The following KNDC1 variants were observed in gnomAD, a reference collection of about 807,000 sequenced individuals.
The protein encoded by KNDC1 is kinase non-catalytic C-lobe domain containing 1.
Under a neutral mutation model 172.8 loss-of-function variants are expected in KNDC1, and 106 were observed. The observed-to-expected ratio is 0.61, with a 90% CI of 0.52 to 0.72. The LOEUF is 0.72. KNDC1 is among the 30% of genes least tolerant of loss of function. The pLI is 0.00. For synonymous variants in KNDC1, 1,083 were observed against 1,062.2 expected, an observed-to-expected ratio of 1.02 and a Z score of -0.38; for missense variants, 2,325 against 2,394.5, an observed-to-expected ratio of 0.97 and a Z score of 0.61.
intron 20 of KNDC1, among the ~76,000 whole-genome samples, chr10:133,208,223 AACCCC>A (rs1845256299): frequency 1.4e-5 from 2 of 142,080 alleles, no homozygotes; most frequent in African/African-American, 2.6e-5. Flanking sequence ...GGCCACCCCC[AACCCC>A]GTTACCCCAA....
chr10:133,225,024 G>T lies in KNDC1; in HGVS notation c.*134G>T. ...CCCGAACCCTGGGGAGCTGGACCAGGAGGTGGAGGCTCAGGGGACCCCATG... is the reference window on the plus strand; with the variant it reads ...CCCGAACCCTGGGGAGCTGGACCAGTAGGTGGAGGCTCAGGGGACCCCATG... On this transcript the variant is annotated 3_prime_UTR_variant, in exon 30 of 30. Transcript: ENST00000304613. 1 of 716,490 alleles carries T rather than the reference G, an allele frequency of 1.4e-6. No homozygotes were observed. The highest frequency in any genetic ancestry group is 1.8e-5 in the South Asian group (1 of 55,990). The allele number at this position is 716,490 out of a possible 1,614,324, so 44.4% of individuals were successfully genotyped here.
intron 3 of KNDC1, among the ~76,000 whole-genome samples, chr10:133,183,040 C>T (rs57015863): frequency 7.9e-5 from 12 of 150,960 alleles, no homozygotes; most frequent in East Asian, 2.0e-4. Flanking sequence ...GCAGCATGGG[C>T]GGCGTGGGTA....
At chr10:133,177,910 GT>G (rs1853595812) in intron 3 of KNDC1, among the ~76,000 whole-genome samples, 1 of 138,782 alleles carries the variant, frequency 7.2e-6, no homozygotes, top group Non-Finnish European at 1.6e-5. Flanking sequence ...TGTGCAGTGT[GT>G]GTGTGCAAGC....
intron 9 of KNDC1, among the ~76,000 whole-genome samples, chr10:133,194,280 A>G (rs2135989057): frequency 6.6e-6 from 1 of 152,376 alleles, no homozygotes; most frequent in Admixed American, 6.5e-5. Context: ...CTTGGAAACG[A>G]AACAACACAT....
At chr10:133,175,567 GTGAGTAAA>G (rs2135959359) in intron 3 of KNDC1, among the ~76,000 whole-genome samples, 1 of 147,608 alleles carries the variant, frequency 6.8e-6, no homozygotes, top group Non-Finnish European at 1.5e-5. Flanking sequence ...AGATGCATGG[GTGAGTAAA>G]TGGATGGGTA....
intron 3 of KNDC1, among the ~76,000 whole-genome samples, chr10:133,181,834 C>CCACACACACA (rs369062586): frequency 1.0e-4 from 14 of 138,888 alleles, no homozygotes; most frequent in African/African-American, 3.3e-4. Flanking sequence ...CCAGGACCGT[C>CCACACACACA]CACACACACA....
At chr10:133,170,875 C>T (rs1292336718) in intron 3 of KNDC1, among the ~76,000 whole-genome samples, 1 of 152,224 alleles carries the variant, frequency 6.6e-6, no homozygotes, top group East Asian at 1.9e-4. Flanking sequence ...ACCCTAACTC[C>T]ACTGTCCGCT....
chr10:133,179,817 G>T (rs1434819923), intron 3 of KNDC1, among the ~76,000 whole-genome samples: 2 of 152,170 alleles, frequency 1.3e-5, no homozygotes, highest in East Asian at 3.9e-4. Context: ...CCGGCTCCCC[G>T]TCGCCCTGTG....
intron 24 of KNDC1, 72 bp downstream of exon 24, chr10:133,212,994 G>T (rs1589772523): frequency 1.2e-5 from 16 of 1,305,396 alleles, no homozygotes; most frequent in Middle Eastern, 2.2e-4. Context: ...CGCCCATAGG[G>T]CCCTCAGCGG....
chr10:133,184,057 G>A (rs140643738), intron 5 of KNDC1, 68 bp downstream of exon 5: 2 of 890,720 alleles, frequency 2.2e-6, no homozygotes, highest in South Asian at 1.8e-5. Context: ...ATGCACACGT[G>A]CACATGCTGC....
chr10:133,182,038 G>A (rs1853733485), intron 3 of KNDC1, among the ~76,000 whole-genome samples: 1 of 152,212 alleles, frequency 6.6e-6, no homozygotes, highest in African/African-American at 2.4e-5. Flanking sequence ...AGTGGTTGGA[G>A]CCAGGCTCAG....
chr10:133,190,698 CT>C (rs1854053138), intron 9 of KNDC1, among the ~76,000 whole-genome samples: 2 of 152,330 alleles, frequency 1.3e-5, no homozygotes, highest in South Asian at 4.1e-4. Context: ...GAAGGCTTTC[CT>C]GCAGTCTAGC....
intron 9 of KNDC1, among the ~76,000 whole-genome samples, chr10:133,195,458 G>A (rs951299862): frequency 5.9e-5 from 9 of 152,178 alleles, no homozygotes; most frequent in South Asian, 2.1e-4. Context: ...GGGAGAGTTC[G>A]ACCTGCAGGT....
intron 3 of KNDC1, among the ~76,000 whole-genome samples, chr10:133,176,802 A>C (rs1159627251): frequency 6.6e-6 from 1 of 152,206 alleles, no homozygotes; most frequent in Admixed American, 6.5e-5. Context: ...GCACCCCTGC[A>C]TCTAGGCTGA....
At chr10:133,171,803 G>T (rs1853385879) in intron 3 of KNDC1, among the ~76,000 whole-genome samples, 1 of 146,824 alleles carries the variant, frequency 6.8e-6, no homozygotes, top group African/African-American at 2.5e-5. Context: ...TTTTGTAGAG[G>T]CAGGGTATTG....
chr10:133,216,850 TAAC>T (rs1456597412), intron 26 of KNDC1, among the ~76,000 whole-genome samples: 1 of 152,184 alleles, frequency 6.6e-6, no homozygotes, highest in Non-Finnish European at 1.5e-5. Context: ...TATTCAGCCT[TAAC>T]AGGAGGGAAA....
At chr10:133,196,529 C>T (rs1015171561) in intron 10 of KNDC1, among the ~76,000 whole-genome samples, 2 of 152,128 alleles carry the variant, frequency 1.3e-5, no homozygotes, top group East Asian at 1.9e-4. Flanking sequence ...GTCTCCGCCT[C>T]GACTGCTCTG....
At chr10:133,184,271 ATGCACACACACGC>A (rs1229630172) in intron 5 of KNDC1, among the ~76,000 whole-genome samples, 3 of 129,588 alleles carry the variant, frequency 2.3e-5, no homozygotes, top group African/African-American at 8.6e-5. Context: ...ACACACACCC[ATGCACACACACGC>A]TGCACACACA....
In KNDC1 at chr10:133,207,388, G is replaced by A. The variant is rs749653470; in HGVS notation, c.3794+37G>A. On this transcript the variant is annotated intron_variant, in intron 20 of 29. Transcript: ENST00000304613. ...GAAAAGCTCACCCGGAAAAGGAGAC[G>A]TAGCCCGGGGTGCTGAGAAGAGGGG... is the stretch of plus-strand genomic sequence containing the variant. 3.2e-6 allele frequency: 5 copies of A among 1,583,064 alleles called. No homozygotes were observed. In the South Asian group the frequency reaches 3.3e-5, roughly 11 times the overall value.
Sources: gnomAD v4.1 joint callset for allele counts (sites outside exome capture counted in the v4.1 genomes callset) on GRCh38, gnomAD v4.1.1 for gene constraint, MANE v1.5 for transcripts, NCBI Gene and HGNC (gene_info 2026-07-23, HGNC 2026-07-21) for gene names.